Variants in RIMS4 observed in about 807,000 individuals in gnomAD.
RIMS4 encodes the protein regulating synaptic membrane exocytosis 4, also known as regulating synaptic membrane exocytosis protein 4.
A neutral mutation model predicts 29.0 loss-of-function variants in RIMS4; 9 were observed. That is an observed-to-expected ratio of 0.31 (90% CI 0.19 to 0.54). The LOEUF (loss-of-function observed/expected upper bound fraction) is 0.54. Ranked by LOEUF, RIMS4 falls within the 20% of genes least tolerant of loss-of-function variation. RIMS4 has a pLI of 0.94. For missense variants in RIMS4, 193 were observed against 365.7 expected (o/e 0.53, Z 3.85); for synonymous variants, 130 against 152.9 (o/e 0.85, Z 1.10).
chr20:44,770,406 A>G (rs1332614716), intron 2 of RIMS4, among the ~76,000 whole-genome samples: 1 of 152,170 alleles, frequency 6.6e-6, no homozygotes, highest in Non-Finnish European at 1.5e-5. Flanking sequence ...CAGTTATGAG[A>G]AAAGCATGTT....
Position 44,756,310 on chromosome 20 carries a change from ACTG to A in RIMS4, c.631_633del (p.Gln211del). ...AGCAGCACGCGAGCCACACCCATGA[ACTG>A]CTTCCGCTCCATCCGCCCGTAGTTC... On this transcript the variant is annotated inframe_deletion, in exon 6 of 6. Transcript: ENST00000372851. The surrounding 1 kb of genome is among the most constrained non-coding windows in gnomAD (Gnocchi z 5.9). 1 of 1,613,876 alleles carries A rather than the reference ACTG, an allele frequency of 6.2e-7. No individual in the cohort carries two copies. Among genetic ancestry groups the A allele is most frequent in the Non-Finnish European group, 8.5e-7 (1 of 1,179,942 alleles).
intron 1 of RIMS4, among the ~76,000 whole-genome samples, chr20:44,798,866 G>T (rs1430893873): frequency 6.6e-6 from 1 of 152,216 alleles, no homozygotes; most frequent in African/African-American, 2.4e-5. Flanking sequence ...TCACCTGCGA[G>T]CACTCCCACA....
intron 2 of RIMS4, among the ~76,000 whole-genome samples, chr20:44,764,411 A>C (rs2066105061): frequency 6.6e-6 from 1 of 152,258 alleles, no homozygotes; most frequent in East Asian, 1.9e-4. Flanking sequence ...GAAAAAGGCA[A>C]GAATGCAGTA....
rs1215850518 is a variant in RIMS4 at position 44,770,818 on chromosome 20, AATG to A, written c.236+454_236+456del. 3.3e-5 allele frequency among the ~76,000 whole-genome samples: 5 copies of A among 152,164 alleles called. No individual in the cohort carries two copies. In the East Asian group the frequency reaches 7.7e-4, roughly 23 times the overall value. On this transcript the variant is annotated intron_variant, in intron 2 of 5. Coordinates refer to ENST00000372851, the MANE Select transcript of RIMS4 (RefSeq NM_182970.4). ...GAAACTAAAAAAGTAAAGAGGAAAT[AATG>A]ATGATAATAAAACCCCTTTCTACCC... is the stretch of plus-strand genomic sequence containing the variant.
At chr20:44,778,508 T>C (rs1461066843) in intron 1 of RIMS4, among the ~76,000 whole-genome samples, 1 of 152,138 alleles carries the variant, frequency 6.6e-6, no homozygotes, top group Non-Finnish European at 1.5e-5. Flanking sequence ...AGACCCTGCC[T>C]CTATAAAAAA....
intron 1 of RIMS4, among the ~76,000 whole-genome samples, chr20:44,775,486 C>T (rs2066156099): frequency 6.6e-6 from 1 of 152,212 alleles, no homozygotes; most frequent in Non-Finnish European, 1.5e-5. Context: ...TTGCCCTGCC[C>T]CTTCATCAAA....
intron 1 of RIMS4, among the ~76,000 whole-genome samples, chr20:44,773,164 C>T (rs975731391): frequency 6.6e-6 from 1 of 152,108 alleles, no homozygotes; most frequent in Non-Finnish European, 1.5e-5. Flanking sequence ...ACATGCCTGT[C>T]GCTCTGTGTG....
intron 1 of RIMS4, among the ~76,000 whole-genome samples, chr20:44,784,648 C>T (rs2066200058): frequency 6.6e-6 from 1 of 152,258 alleles, no homozygotes. Flanking sequence ...CTCCCACATA[C>T]ATGCTTAACG....
intron 2 of RIMS4, among the ~76,000 whole-genome samples, chr20:44,762,060 G>A (rs1287150248): frequency 6.6e-6 from 1 of 152,198 alleles, no homozygotes; most frequent in Admixed American, 6.5e-5. Context: ...GTTTTGGGAT[G>A]AAACTGCTCC....
At chr20:44,778,799 T>C (rs1206582142) in intron 1 of RIMS4, among the ~76,000 whole-genome samples, 1 of 152,220 alleles carries the variant, frequency 6.6e-6, no homozygotes, top group African/African-American at 2.4e-5. Flanking sequence ...CCTGAATGCC[T>C]GGGTTGTAAA....
chr20:44,764,446 T>C (rs2066105201), intron 2 of RIMS4, among the ~76,000 whole-genome samples: 1 of 152,304 alleles, frequency 6.6e-6, no homozygotes, highest in African/African-American at 2.4e-5. Context: ...GTTTTAAATA[T>C]GTTAAATGCT....
intron 1 of RIMS4, among the ~76,000 whole-genome samples, chr20:44,788,903 A>C (rs1352710188): frequency 6.6e-6 from 1 of 152,326 alleles, no homozygotes. Context: ...GCATGTATTA[A>C]GCACTCAATA....
At chr20:44,807,250 C>A (rs1123402) in intron 1 of RIMS4, among the ~76,000 whole-genome samples, 2 of 152,036 alleles carry the variant, frequency 1.3e-5, no homozygotes, top group Admixed American at 6.5e-5. Flanking sequence ...GGGCCCACGG[C>A]GGGCTAGAAA....
chr20:44,793,018 T>C (rs942203889), intron 1 of RIMS4, among the ~76,000 whole-genome samples: 3 of 152,118 alleles, frequency 2.0e-5, no homozygotes, highest in Admixed American at 6.5e-5. Flanking sequence ...TTCATCCTCC[T>C]AGAGGAGGCA....
chr20:44,755,974 G>C lies in RIMS4; in HGVS notation c.*160C>G. On this transcript the variant is annotated 3_prime_UTR_variant, in exon 6 of 6. Transcript: ENST00000372851. ...GTCTCGGGGGTAGGAGGCAAAGAAG[G>C]GGTGAGGAGGGGCCCAAGGGGGGGC... 1.6e-6 allele frequency: 1 copy of C among 610,146 alleles called. No individual in the cohort carries two copies. 37.8% of individuals were successfully genotyped at this position (610,146 alleles called of 1,614,324 possible).
intron 1 of RIMS4, among the ~76,000 whole-genome samples, chr20:44,792,518 T>C (rs2066237539): frequency 6.6e-6 from 1 of 151,998 alleles, no homozygotes; most frequent in African/African-American, 2.4e-5. Context: ...TCTTGAACTC[T>C]TGACCTTAGG....
chr20:44,776,201 T>C (rs1415433168), intron 1 of RIMS4, among the ~76,000 whole-genome samples: 1 of 152,174 alleles, frequency 6.6e-6, no homozygotes, highest in East Asian at 1.9e-4. Context: ...GAGGATCGCT[T>C]GAGCTTGGGA....
At chr20:44,780,589 A>G (rs760419541) in intron 1 of RIMS4, among the ~76,000 whole-genome samples, 1 of 152,188 alleles carries the variant, frequency 6.6e-6, no homozygotes, top group South Asian at 2.1e-4. Context: ...AGCACTCATC[A>G]TTTCATGTAA....
Position 44,771,298 on chromosome 20 carries a change from C to T in RIMS4, c.213G>A (p.Met71Ile). 1.2e-6 allele frequency: 2 copies of T among 1,612,978 alleles called. No homozygotes were observed. The highest frequency in any genetic ancestry group is 1.7e-6 in the Non-Finnish European group (2 of 1,179,046). ...QASHESIEDS[M>I]NSYGSEGNLN... ...ACTTGCCCTCTGAGCCATAGCTGTT[C>T]ATGCTGTCCTCAATGGACTCGTGGC... The change falls in exon 2 of 6, where the codon ATG becomes ATA. Residue 71 changes from methionine to isoleucine, a missense_variant. Transcript: ENST00000372851.
Sources: allele counts gnomAD v4.1 joint callset (sites outside exome capture counted in the v4.1 genomes callset), GRCh38; gene constraint gnomAD v4.1.1; non-coding constraint Gnocchi (gnomAD v3.1); transcripts MANE v1.5; gene names NCBI Gene and HGNC (gene_info 2026-07-23, HGNC 2026-07-21).